The following UNC13A variants were observed in gnomAD, a reference collection of about 807,000 sequenced individuals.
UNC13A encodes protein unc-13 homolog A.
A neutral mutation model predicts 219.7 loss-of-function variants in UNC13A; 61 were observed. The observed-to-expected ratio is 0.28, with a 90% CI of 0.23 to 0.34. UNC13A has a LOEUF of 0.34. Among genes scored for constraint, UNC13A ranks in the 10% least tolerant of loss-of-function variants. The pLI is 1.00. For missense variants in UNC13A, 1,476 were observed against 2,270.3 expected, an observed-to-expected ratio of 0.65 and a Z score of 7.11; for synonymous variants, 920 against 884.6, an observed-to-expected ratio of 1.04 and a Z score of -0.71.
rs111230697 is a variant in UNC13A, at chr19:17,623,576, G to A, written c.4198-29C>T. ...TCATCCGTGATGGGGGCGGGGCGGT[G>A]GGGGAGGGGGGAATAAGGTACCATG... On this transcript the variant is annotated intron_variant, in intron 35 of 43. Coordinates refer to ENST00000519716, the MANE Select transcript of UNC13A (RefSeq NM_001080421.3). 4.2e-6 allele frequency: 5 copies of A among 1,188,154 alleles called. No individual in the cohort carries two copies. In the African/African-American group the frequency reaches 7.9e-5, roughly 19 times the overall value. The allele number at this position is 1,188,154 out of a possible 1,614,324, so 73.6% of individuals were successfully genotyped here.
intron 1 of UNC13A, among the ~76,000 whole-genome samples, chr19:17,676,620 C>T (rs1239362685): frequency 6.6e-6 from 1 of 152,170 alleles, no homozygotes; most frequent in East Asian, 1.9e-4. Context: ...CCTTGATTGT[C>T]CAGCTCAGTC....
rs778704405 is a variant in UNC13A at position 17,606,107 on chromosome 19, G to C, written c.5059C>G (p.Leu1687Val). The C allele has an allele frequency of 6.9e-6, 11 of 1,596,608 alleles. No homozygotes were observed. The South Asian group carries it at 1.0e-4, about 15-fold the overall frequency. The change falls in exon 44 of 44, where the codon CTC becomes GTC. Residue 1687 changes from leucine (L) to valine (V), a missense_variant. Coordinates refer to ENST00000519716, the MANE Select transcript of UNC13A (RefSeq NM_001080421.3). ...TCGGCGGAGCGCGTGTCCGACTTGA[G>C]CTTCACGAACTCCTTGGCCACCTCG... ...NDEVAKEFVKLKSDTRSAEEG... is the reference protein window; with the variant it reads ...NDEVAKEFVKVKSDTRSAEEG...
intron 19 of UNC13A, among the ~76,000 whole-genome samples, chr19:17,645,070 G>A (rs932762994): frequency 6.8e-6 from 1 of 147,838 alleles, no homozygotes; most frequent in South Asian, 2.1e-4. Flanking sequence ...GTGCAGTGGC[G>A]CAGTCTCAGC....
At chr19:17,668,046 G>A (rs1735547545) in intron 6 of UNC13A, 71 bp downstream of exon 6, 5 of 1,494,358 alleles carry the variant, frequency 3.3e-6, no homozygotes, top group African/African-American at 1.4e-5. Context: ...AACAGCATCT[G>A]TAAGTGAAAA....
Position 17,604,243 on chromosome 19 carries a change from C to G in UNC13A, c.*1811G>C, listed in dbSNP as rs1298606585. 2.0e-5 allele frequency: 3 copies of G among 152,226 alleles called. No homozygotes were observed. Among genetic ancestry groups the G allele is most frequent in the Non-Finnish European group, 2.9e-5 (2 of 68,090 alleles). 9.4% of individuals were successfully genotyped at this position (152,226 alleles called of 1,614,324 possible). ...AGGCTGGAATCCAGTCTCTCCCCAA[C>G]TTAAAACAGCTCCTGGAGCTCCCCA... On this transcript the variant is annotated 3_prime_UTR_variant, in exon 44 of 44. Coordinates refer to ENST00000519716, the MANE Select transcript of UNC13A (RefSeq NM_001080421.3).
Position 17,656,243 on chromosome 19 carries a change from A to G in UNC13A, c.923T>C (p.Val308Ala). The stretch of plus-strand genomic sequence containing the variant: ...GCGAGGCGAGTCTTTGTGGTAGCTG[A>G]CCGAGCTGTGGCAGGAGTGGTAGGA... ...RDSYHSCHSS[V>A]SYHKDSPRWD... The change falls in exon 10 of 44, where the codon GTC becomes GCC. Residue 308 changes from valine to alanine, a missense_variant. Val to Ala is a moderately conservative substitution (Grantham distance 64). Around this residue, in one of 14 missense-constraint regions of UNC13A, gnomAD observed 351 missense variants for 342.6 expected, o/e 1.02. Transcript: ENST00000519716. The G allele has an allele frequency of 6.4e-7, 1 of 1,551,988 alleles. No homozygotes were observed. The highest frequency in any genetic ancestry group is 8.7e-7 in the Non-Finnish European group (1 of 1,147,068).
intron 41 of UNC13A, among the ~76,000 whole-genome samples, chr19:17,616,630 G>T (rs2076668179): frequency 6.6e-6 from 1 of 152,030 alleles, no homozygotes; most frequent in South Asian, 2.1e-4. Context: ...AGAGAGAAAC[G>T]TCAGCTGCAG....
At chr19:17,673,512 G>A (rs1248828627) in intron 3 of UNC13A, among the ~76,000 whole-genome samples, 2 of 151,472 alleles carry the variant, frequency 1.3e-5, no homozygotes, top group African/African-American at 2.4e-5. Flanking sequence ...GGCCAACATG[G>A]TGAAACCCGG....
chr19:17,604,881 T>C lies in UNC13A; in HGVS notation c.*1173A>G, dbSNP rs2076504746. ...TGTGTTTCTCTCTCTCTCATTCTCT[T>C]TCTCTCATTCTCTTTCTCCCCCCTA... On this transcript the variant is annotated 3_prime_UTR_variant, in exon 44 of 44. Coordinates refer to ENST00000519716, the MANE Select transcript of UNC13A (RefSeq NM_001080421.3). 6.6e-6 allele frequency: 1 copy of C among 152,322 alleles called. No individual in the cohort carries two copies. The allele number at this position is 152,322 out of a possible 1,614,324, so 9.4% of individuals were successfully genotyped here.
chr19:17,607,863 C>T (rs1415850535), intron 43 of UNC13A, among the ~76,000 whole-genome samples: 3 of 150,806 alleles, frequency 2.0e-5, no homozygotes, highest in African/African-American at 4.9e-5. Context: ...ATCCATCTAC[C>T]CCCGTGAACA....
In UNC13A at chr19:17,606,086, C is replaced by G; in HGVS notation, c.5080G>C (p.Ala1694Pro). 1 of 1,588,988 alleles carries G rather than the reference C, an allele frequency of 6.3e-7. No homozygotes were observed. Among genetic ancestry groups the G allele is most frequent in the Non-Finnish European group, 8.5e-7 (1 of 1,170,694 alleles). The change falls in exon 44 of 44, where the codon GCC (alanine) becomes CCC (proline). Residue 1694 changes from alanine to proline, a missense_variant. Ala to Pro is a conservative substitution (Grantham distance 27). Around this residue, in one of 14 missense-constraint regions of UNC13A, gnomAD observed 187 missense variants for 172.3 expected, o/e 1.09. Transcript: ENST00000519716. Reference sequence around the variant, plus strand: ...GCAGGCGCGGCACCGCCCTCCTCGGCGGAGCGCGTGTCCGACTTGAGCTTC... The same window carrying G: ...GCAGGCGCGGCACCGCCCTCCTCGGGGGAGCGCGTGTCCGACTTGAGCTTC... ...FVKLKSDTRS[A>P]EEGGAAPAP
intron 28 of UNC13A, 52 bp from the exon 29 acceptor site, chr19:17,630,802 T>G: frequency 6.5e-7 from 1 of 1,545,984 alleles, no homozygotes; most frequent in Middle Eastern, 1.7e-4. Context: ...CTCCTCAACC[T>G]CTGCGCCGCC....
intron 35 of UNC13A, among the ~76,000 whole-genome samples, chr19:17,624,612 C>T (rs550006405): frequency 1.8e-4 from 27 of 152,254 alleles, no homozygotes; most frequent in African/African-American, 4.8e-4. Flanking sequence ...TTTAACTCTT[C>T]GATGATCTTT....
Position 17,678,666 on chromosome 19 carries a change from G to A in UNC13A, c.23-2625C>T, listed in dbSNP as rs572793327. The stretch of plus-strand genomic sequence containing the variant: ...CACCCAGCACCTCACCCCTGGGACT[G>A]AAAGAGGCTCAGGAACACTCAGGAA... On this transcript the variant is annotated intron_variant, in intron 1 of 43. Coordinates refer to ENST00000519716, the MANE Select transcript of UNC13A (RefSeq NM_001080421.3). Among the ~76,000 whole-genome samples the A allele has an allele frequency of 4.6e-5, 7 of 152,142 alleles. No individual in the cohort carries two copies. In the South Asian group the frequency reaches 1.5e-3, roughly 32 times the overall value.
Position 17,655,305 on chromosome 19 carries a change from G to T in UNC13A, c.1361C>A (p.Ala454Asp). Residue 454 changes from alanine (A) to aspartate (D), a missense_variant, in exon 11 of 44, where the codon GCC (alanine) becomes GAC (aspartate). Coordinates refer to ENST00000519716, the MANE Select transcript of UNC13A (RefSeq NM_001080421.3). ...CAGCTGCATCCGCACCTTGTTGAAG[G>T]CACGCAGCCAGTTGGCCTTGGCCCT... is the stretch of plus-strand genomic sequence containing the variant. ...MSRAKANWLR[A>D]FNKVRMQLQE... The T allele has an allele frequency of 6.3e-7, 1 of 1,586,880 alleles. No individual in the cohort carries two copies. Among genetic ancestry groups the T allele is most frequent in the Non-Finnish European group, 8.6e-7 (1 of 1,167,720 alleles).
At chr19:17,688,026 C>A (rs1021702140) in intron 1 of UNC13A, among the ~76,000 whole-genome samples, 152 bp downstream of exon 1, 2 of 151,972 alleles carry the variant, frequency 1.3e-5, no homozygotes, top group Non-Finnish European at 2.9e-5. Flanking sequence ...CCCTCCGGGG[C>A]CCAGCTGCGT....
intron 16 of UNC13A, among the ~76,000 whole-genome samples, chr19:17,648,090 T>C (rs2079273949): frequency 7.5e-6 from 1 of 133,524 alleles, no homozygotes; most frequent in African/African-American, 2.9e-5. Context: ...CTCTCAGAGC[T>C]ACCCCTAGCT....
intron 12 of UNC13A, among the ~76,000 whole-genome samples, chr19:17,651,629 C>A (rs2079350304): frequency 6.6e-6 from 1 of 152,204 alleles, no homozygotes; most frequent in Non-Finnish European, 1.5e-5. Context: ...CAGGAGCCAA[C>A]TGAGGCTTAG....
chr19:17,630,613 G>T (rs10417445), intron 29 of UNC13A, 41 bp downstream of exon 29: 1 of 1,605,928 alleles, frequency 6.2e-7, no homozygotes, highest in East Asian at 2.2e-5. Context: ...ATTGACCCCA[G>T]TGGGAAGATT....
Sources: gnomAD v4.1 joint callset for allele counts (sites outside exome capture counted in the v4.1 genomes callset) on GRCh38, gnomAD v4.1.1 for gene constraint, gnomAD v4.1.1 regional missense constraint, MANE v1.5 for transcripts, NCBI Gene and HGNC (gene_info 2026-07-23, HGNC 2026-07-21) for gene names.